Variants in CADM2 observed in about 807,000 individuals in gnomAD.
CADM2 encodes the protein immunoglobulin superfamily member 4D.
In CADM2, 12 loss-of-function variants were observed where a neutral mutation model predicts 49.8. The ratio of observed to expected loss-of-function variants is 0.24; its 90% CI spans 0.15 to 0.39. The LOEUF (loss-of-function observed/expected upper bound fraction) is 0.39. Among genes scored for constraint, CADM2 ranks in the 10% least tolerant of loss-of-function variants. The pLI is 1.00. For missense variants in CADM2, 378 were observed against 492.3 expected (o/e 0.77, Z 2.20); for synonymous variants, 214 against 175.4 (o/e 1.22, Z -1.74).
intron 1 of CADM2, chr3:85,385,937 A>G (rs907130898): frequency 2.6e-5 from 4 of 152,080 alleles, no homozygotes; most frequent in East Asian, 3.9e-4. Context: ...TGTTACATTC[A>G]TATCATGTTT....
At chr3:85,559,230 C>A (rs1020469088) in intron 1 of CADM2, among the ~76,000 whole-genome samples, 1 of 151,786 alleles carries the variant, frequency 6.6e-6, no homozygotes, top group African/African-American at 2.4e-5. Context: ...ATACATGTAC[C>A]AATGTTTTAT....
intron 1 of CADM2, among the ~76,000 whole-genome samples, chr3:85,631,869 C>G (rs1436611698): frequency 6.6e-6 from 1 of 152,032 alleles, no homozygotes; most frequent in East Asian, 1.9e-4. Flanking sequence ...ACAGATGATA[C>G]TGGTAATATT....
intron 8 of CADM2, among the ~76,000 whole-genome samples, chr3:86,050,865 C>T (rs1043240110): frequency 6.6e-6 from 1 of 152,162 alleles, no homozygotes; most frequent in African/African-American, 2.4e-5. Context: ...AACGAAACCA[C>T]CTGTCATGGA....
At chr3:85,694,667 T>G (rs1214163510) in intron 1 of CADM2, among the ~76,000 whole-genome samples, 1 of 152,252 alleles carries the variant, frequency 6.6e-6, no homozygotes. Flanking sequence ...ATTAAATATT[T>G]ATTGAACACC....
intron 8 of CADM2, among the ~76,000 whole-genome samples, chr3:86,020,623 A>G (rs1047056205): frequency 1.2e-4 from 19 of 152,108 alleles, no homozygotes; most frequent in Admixed American, 1.0e-3. Flanking sequence ...GCAGCACATC[A>G]AAAAGCTTAT....
intron 8 of CADM2, among the ~76,000 whole-genome samples, chr3:86,039,897 C>T (rs936090648): frequency 5.3e-5 from 8 of 152,272 alleles, no homozygotes; most frequent in South Asian, 4.1e-4. Context: ...TCCAGAGGAA[C>T]GATCAGGCAG....
chr3:85,278,830 G>T (rs1025985875), intron 1 of CADM2, among the ~76,000 whole-genome samples: 4 of 150,208 alleles, frequency 2.7e-5, no homozygotes, highest in Non-Finnish European at 5.9e-5. Flanking sequence ...AAATATAAAA[G>T]ATATACATTT....
intron 1 of CADM2, among the ~76,000 whole-genome samples, chr3:85,104,370 T>C (rs2038129240): frequency 6.6e-6 from 1 of 152,004 alleles, no homozygotes; most frequent in Admixed American, 6.6e-5. Flanking sequence ...ATATGCGGCG[T>C]TATTTCTGAG....
At chr3:85,857,737 C>T (rs1323743994) in intron 3 of CADM2, among the ~76,000 whole-genome samples, 2 of 152,112 alleles carry the variant, frequency 1.3e-5, no homozygotes, top group Non-Finnish European at 2.9e-5. Flanking sequence ...GATCTTAGCA[C>T]TTAACACTAT....
intron 1 of CADM2, among the ~76,000 whole-genome samples, chr3:84,987,283 G>T (rs375975394): frequency 1.3e-5 from 2 of 151,876 alleles, no homozygotes; most frequent in East Asian, 2.0e-4. Flanking sequence ...CATTTTCCAA[G>T]AAATTGGGAG....
intron 2 of CADM2, among the ~76,000 whole-genome samples, chr3:85,786,301 T>C (rs910597069): frequency 1.3e-5 from 2 of 152,156 alleles, no homozygotes; most frequent in African/African-American, 4.8e-5. Context: ...CAGTTTGCTT[T>C]ATCAGAAGTA....
chr3:85,105,393 G>C (rs1237012947), intron 1 of CADM2, among the ~76,000 whole-genome samples: 2 of 152,116 alleles, frequency 1.3e-5, no homozygotes, highest in Non-Finnish European at 2.9e-5. Context: ...AAACCACAAT[G>C]AGATACCATC....
At chr3:85,815,329 C>A (rs532540941) in intron 3 of CADM2, among the ~76,000 whole-genome samples, 90 of 152,044 alleles carry the variant, frequency 5.9e-4, no homozygotes, top group Non-Finnish European at 1.2e-3. Context: ...TGATGAACAT[C>A]GATGCGAAAA....
intron 3 of CADM2, among the ~76,000 whole-genome samples, chr3:85,845,671 G>A (rs1040000660): frequency 6.6e-6 from 1 of 152,186 alleles, no homozygotes; most frequent in African/African-American, 2.4e-5. Flanking sequence ...CATGTGCTAA[G>A]TGGCACAGGA....
At chr3:85,855,869 GC>G (rs1333740830) in intron 3 of CADM2, among the ~76,000 whole-genome samples, 1 of 151,780 alleles carries the variant, frequency 6.6e-6, no homozygotes, top group Non-Finnish European at 1.5e-5. Flanking sequence ...CTCGTGATCA[GC>G]CTGCCTCGGC....
intron 1 of CADM2, among the ~76,000 whole-genome samples, chr3:85,440,296 C>T (rs369957482): frequency 6.6e-5 from 10 of 152,196 alleles, no homozygotes; most frequent in African/African-American, 2.4e-4. Context: ...TGGAACACAC[C>T]CCACGTCATT....
chr3:85,283,546 T>A (rs2043556708), intron 1 of CADM2, among the ~76,000 whole-genome samples: 1 of 152,118 alleles, frequency 6.6e-6, no homozygotes, highest in African/African-American at 2.4e-5. Flanking sequence ...GGGCTGGTGT[T>A]CTGTATTTGA....
At chr3:85,706,579 A>G (rs2066958238) in intron 1 of CADM2, among the ~76,000 whole-genome samples, 1 of 152,168 alleles carries the variant, frequency 6.6e-6, no homozygotes, top group Non-Finnish European at 1.5e-5. Context: ...CATATTAGAT[A>G]TTTATTCTAT....
At chr3:85,114,274 G>A (rs979990291) in intron 1 of CADM2, among the ~76,000 whole-genome samples, 3 of 152,062 alleles carry the variant, frequency 2.0e-5, no homozygotes, top group South Asian at 2.1e-4. Context: ...GGGCTGAATC[G>A]ATAGGACAGA....
Sources: allele counts gnomAD v4.1 joint callset (sites outside exome capture counted in the v4.1 genomes callset), GRCh38; gene constraint gnomAD v4.1.1; transcripts MANE v1.5; gene names NCBI Gene and HGNC (gene_info 2026-07-23, HGNC 2026-07-21).